The following SLC30A5 variants were observed in gnomAD, a reference collection of about 807,000 sequenced individuals.
SLC30A5 encodes solute carrier family 30 member 5, also known as proton-coupled zinc antiporter SLC30A5.
SLC30A5 carries 33 observed loss-of-function variants against 79.6 expected under a neutral mutation model. The observed-to-expected ratio is 0.41, with a 90% confidence interval of 0.31 to 0.55. The LOEUF is 0.55. Ranked by LOEUF, SLC30A5 falls within the 20% of genes least tolerant of loss-of-function variation. The pLI is 0.20. For missense variants in SLC30A5, 788 were observed against 928.1 expected (o/e 0.85, Z 1.96); for synonymous variants, 299 against 319.7 (o/e 0.94, Z 0.69).
intron 11 of SLC30A5, 80 bp from the exon 12 acceptor site, chr5:69,118,419 A>G: frequency 8.3e-7 from 1 of 1,204,946 alleles, no homozygotes; most frequent in Non-Finnish European, 1.1e-6. Context: ...GAAAATTTGG[A>G]CTTGTTTCCT....
chr5:69,101,895 T>C (rs1745932070), intron 2 of SLC30A5, among the ~76,000 whole-genome samples: 2 of 150,578 alleles, frequency 1.3e-5, no homozygotes, highest in Non-Finnish European at 3.0e-5. Context: ...AGGCAGCGGT[T>C]GCAGTGAGCT....
At chr5:69,097,979 G>A (rs1014939014) in intron 1 of SLC30A5, among the ~76,000 whole-genome samples, 2 of 152,162 alleles carry the variant, frequency 1.3e-5, no homozygotes, top group East Asian at 1.9e-4. Flanking sequence ...TTATCAGGAC[G>A]TGGAGACGGG....
At chr5:69,108,188 G>A (rs1397706832) in intron 4 of SLC30A5, among the ~76,000 whole-genome samples, 161 bp from the exon 5 acceptor site, 2 of 152,188 alleles carry the variant, frequency 1.3e-5, no homozygotes, top group Non-Finnish European at 2.9e-5. Flanking sequence ...TTCTAAGGTA[G>A]ATAATGCCAA....
chr5:69,125,825 C>A (rs1191849180), intron 14 of SLC30A5, among the ~76,000 whole-genome samples: 2 of 119,542 alleles, frequency 1.7e-5, no homozygotes, highest in Non-Finnish European at 3.3e-5. Flanking sequence ...GAGCCGAGAT[C>A]ACGCCACTGC....
At chr5:69,127,038 C>T (rs1291348845) in intron 14 of SLC30A5, among the ~76,000 whole-genome samples, 1 of 151,980 alleles carries the variant, frequency 6.6e-6, no homozygotes, top group Non-Finnish European at 1.5e-5. Context: ...TATAAATTTT[C>T]TCCCCACTTA....
At chr5:69,100,981 C>T in intron 2 of SLC30A5, 52 bp downstream of exon 2, 1 of 1,503,904 alleles carries the variant, frequency 6.6e-7, no homozygotes, top group South Asian at 1.3e-5. Context: ...TTTGAAAATC[C>T]TGTTTTAACA....
intron 3 of SLC30A5, chr5:69,104,357 G>A (rs1233002730): frequency 2.6e-5 from 18 of 692,962 alleles, no homozygotes; most frequent in Non-Finnish European, 3.6e-5. Context: ...GGCCAGCCTG[G>A]TCTTGAACTC....
At chr5:69,129,335 G>A (rs1259268960) in intron 15 of SLC30A5, 112 bp from the exon 16 acceptor site, 22 of 743,006 alleles carry the variant, frequency 3.0e-5, no homozygotes, top group Non-Finnish European at 3.9e-5. Flanking sequence ...CTCAGATTTC[G>A]TATTTTCAGA....
chr5:69,096,265 C>T (rs768992456), intron 1 of SLC30A5, among the ~76,000 whole-genome samples: 17 of 152,096 alleles, frequency 1.1e-4, no homozygotes, highest in Non-Finnish European at 2.4e-4. Context: ...AAACACAGGA[C>T]GATACATTAA....
chr5:69,119,335 A>C (rs1746473666), intron 12 of SLC30A5, among the ~76,000 whole-genome samples: 1 of 151,502 alleles, frequency 6.6e-6, no homozygotes, highest in Non-Finnish European at 1.5e-5. Context: ...AATTTTTGGA[A>C]ATACTTTCTT....
At position 69,130,284 on chromosome 5, in the gene SLC30A5, T is replaced by G. The variant is rs926154732; in HGVS notation, c.*667T>G. On this transcript the variant is annotated 3_prime_UTR_variant, in exon 16 of 16. Transcript: ENST00000396591. The stretch of plus-strand genomic sequence containing the variant: ...TTTGGTAATATTTGCAAATGAATAA[T>G]TAATTTATTAGGGTAAAGAACTTAT... The G allele has an allele frequency of 1.3e-5, 2 of 152,170 alleles. No homozygotes were observed. The highest frequency in any genetic ancestry group is 2.9e-5 in the Non-Finnish European group (2 of 68,006). The allele number at this position is 152,170 out of a possible 1,614,324, so 9.4% of individuals were successfully genotyped here.
intron 1 of SLC30A5, among the ~76,000 whole-genome samples, chr5:69,094,968 T>G (rs1415011211): frequency 6.6e-6 from 1 of 151,980 alleles, no homozygotes; most frequent in East Asian, 1.9e-4. Context: ...ACCCGAAAAG[T>G]AAGGGACCAA....
chr5:69,101,650 A>C (rs533982824), intron 2 of SLC30A5, among the ~76,000 whole-genome samples: 1 of 151,722 alleles, frequency 6.6e-6, no homozygotes, highest in East Asian at 2.0e-4. Context: ...TGTTAATAAA[A>C]ACCTGTTAAA....
At position 69,117,380 on chromosome 5, in the gene SLC30A5, C is replaced by G. The variant is rs944242135; in HGVS notation, c.1423C>G (p.Arg475Gly). ...AALMSRWKAT[R>G]IFSYGYGRIE... ...CCTGATGAGTAGGTGGAAAGCCACT[C>G]GGATTTTCTCCTATGGGTAGGTACA... The change falls in exon 11 of 16, where the codon CGG becomes GGG. Residue 475 changes from arginine to glycine, a missense_variant. Around this residue, in one of 3 missense-constraint regions of SLC30A5, gnomAD observed 626 missense variants for 755.5 expected, o/e 0.83. Transcript: ENST00000396591. The G allele has an allele frequency of 5.9e-5, 95 of 1,613,596 alleles. No homozygotes were observed. The highest frequency in any genetic ancestry group is 7.9e-5 in the Non-Finnish European group (93 of 1,179,910).
In SLC30A5 at chr5:69,121,595, CTG is replaced by C. The variant is rs1561297512; in HGVS notation, c.1570-97_1570-96del. On this transcript the variant is annotated intron_variant, in intron 12 of 15. Transcript: ENST00000396591. ...GGTTTTACTGTGAATACTTTCAAAA[CTG>C]TAAACAGAAAAACATATATAGCTAT... is the stretch of plus-strand genomic sequence containing the variant. 4.7e-6 allele frequency: 4 copies of C among 855,348 alleles called. No individual in the cohort carries two copies. In the East Asian group the frequency reaches 1.1e-4, roughly 24 times the overall value. The allele number at this position is 855,348 out of a possible 1,614,324, so 53.0% of individuals were successfully genotyped here.
chr5:69,094,071 G>C lies in SLC30A5; in HGVS notation c.-185G>C. The C allele has an allele frequency of 2.5e-6, 1 of 400,600 alleles. No individual in the cohort carries two copies. Among genetic ancestry groups the C allele is most frequent in the Non-Finnish European group, 4.4e-6 (1 of 225,472 alleles). 24.8% of individuals were successfully genotyped at this position (400,600 alleles called of 1,614,324 possible). On this transcript the variant is annotated 5_prime_UTR_variant, in exon 1 of 16. Transcript: ENST00000396591. ...CGCCGCCGGAACTGATCGCGGCCTAGTCCCGACGCGTGTGTGCTAGTGAGC... is the reference window on the plus strand; with the variant it reads ...CGCCGCCGGAACTGATCGCGGCCTACTCCCGACGCGTGTGTGCTAGTGAGC...
intron 15 of SLC30A5, among the ~76,000 whole-genome samples, 173 bp downstream of exon 15, chr5:69,128,305 G>A (rs571543847): frequency 1.4e-5 from 2 of 143,652 alleles, no homozygotes; most frequent in Non-Finnish European, 3.0e-5. Context: ...AGGCTGGAGT[G>A]CAGTGGCGTG....
chr5:69,125,788 A>G (rs866655015), intron 14 of SLC30A5, among the ~76,000 whole-genome samples: 2 of 65,632 alleles, frequency 3.0e-5, no homozygotes, highest in Admixed American at 1.7e-4. Context: ...GCAGTGAGCC[A>G]TGAACCTGGG....
intron 1 of SLC30A5, among the ~76,000 whole-genome samples, chr5:69,095,447 G>T (rs1745699068): frequency 6.6e-6 from 1 of 152,080 alleles, no homozygotes; most frequent in Admixed American, 6.5e-5. Context: ...TGATCGGCCT[G>T]CCTCGGTCTT....
Sources: gnomAD v4.1 joint callset for allele counts (sites outside exome capture counted in the v4.1 genomes callset) on GRCh38, gnomAD v4.1.1 for gene constraint, gnomAD v4.1.1 regional missense constraint, MANE v1.5 for transcripts, NCBI Gene and HGNC (gene_info 2026-07-23, HGNC 2026-07-21) for gene names.